The following TMEM131L variants were observed in gnomAD, a reference collection of about 807,000 sequenced individuals.
TMEM131L encodes the protein transmembrane 131 like.
Under a neutral mutation model 192.2 loss-of-function variants are expected in TMEM131L, and 54 were observed. That is an observed-to-expected ratio of 0.28 (90% CI 0.23 to 0.35). The LOEUF (loss-of-function observed/expected upper bound fraction) is 0.35, where lower values mean the gene tolerates loss of function less well. TMEM131L is among the 10% of genes least tolerant of loss of function. The pLI is 1.00. For missense variants in TMEM131L, 1,888 were observed against 1,972.9 expected, an observed-to-expected ratio of 0.96 and a Z score of 0.82; for synonymous variants, 701 against 704.9, an observed-to-expected ratio of 0.99 and a Z score of 0.09.
In TMEM131L at chr4:153,550,155, C is replaced by T. The variant is rs982989867; in HGVS notation, c.308+14C>T. 5.3e-6 allele frequency: 6 copies of T among 1,126,564 alleles called. No individual in the cohort carries two copies. The African/African-American group carries it at 9.6e-5, about 18-fold the overall frequency. The allele number at this position is 1,126,564 out of a possible 1,614,324, so 69.8% of individuals were successfully genotyped here. A position where few individuals can be genotyped will look rare whatever the true frequency, so the allele number is the denominator to read the frequency against. ...TTTTGGAATACAGTAAGTATCTTTT[C>T]TTTATAATTAAAACTCATTTTATTT... On this transcript the variant is annotated intron_variant, in intron 4 of 34. Transcript: ENST00000409959.
At chr4:153,520,554 C>T (rs1177608988) in intron 3 of TMEM131L, among the ~76,000 whole-genome samples, 1 of 152,164 alleles carries the variant, frequency 6.6e-6, no homozygotes, top group Non-Finnish European at 1.5e-5. Flanking sequence ...GACTAGTCCT[C>T]AATATTTTTC....
intron 4 of TMEM131L, 72 bp downstream of exon 4, chr4:153,550,213 T>C (rs991922763): frequency 3.3e-6 from 2 of 614,556 alleles, no homozygotes; most frequent in Non-Finnish European, 5.5e-6. Flanking sequence ...TTTTTACATA[T>C]ATGTACAATG....
In TMEM131L at chr4:153,555,706, A is replaced by G. The variant is rs1337882936; in HGVS notation, c.309-81A>G. 7 of 1,207,026 alleles carry G rather than the reference A, an allele frequency of 5.8e-6. No individual in the cohort carries two copies. Among genetic ancestry groups the G allele is most frequent in the East Asian group, 2.7e-5 (1 of 37,380 alleles). 74.8% of individuals were successfully genotyped at this position (1,207,026 alleles called of 1,614,324 possible). A position where few individuals can be genotyped will look rare whatever the true frequency, so the allele number is the denominator to read the frequency against. Reference sequence around the variant, plus strand: ...TCTGGGTTTAAAAATCTGTGTGTATATATATAATAATACATATATATGTAT... The same window carrying G: ...TCTGGGTTTAAAAATCTGTGTGTATGTATATAATAATACATATATATGTAT... On this transcript the variant is annotated intron_variant, in intron 4 of 34. Transcript: ENST00000409959. The surrounding 1 kb of genome is among the most constrained non-coding windows in gnomAD (Gnocchi z 4.1).
rs1424358862 is a variant in TMEM131L at position 153,474,579 on chromosome 4, G to T, written c.239+691G>T. Among the ~76,000 whole-genome samples the T allele has an allele frequency of 2.0e-5, 3 of 152,302 alleles. No homozygotes were observed. In the East Asian group the frequency reaches 5.8e-4, roughly 29 times the overall value. Reference sequence around the variant, plus strand: ...TTTGTTTTTAAGTGTGGTGTGAATTGTTAAAGAATTTTAACCAGGGGACTG... The same window carrying T: ...TTTGTTTTTAAGTGTGGTGTGAATTTTTAAAGAATTTTAACCAGGGGACTG... On this transcript the variant is annotated intron_variant, in intron 3 of 34. Transcript: ENST00000409959.
chr4:153,581,603 C>CTGCA, intron 9 of TMEM131L, 43 bp downstream of exon 9: 2 of 1,330,132 alleles, frequency 1.5e-6, no homozygotes, highest in South Asian at 1.6e-5. Context: ...TTTCATCAGT[C>CTGCA]TGCATCATCA....
chr4:153,580,250 CAG>C (rs981217975), intron 7 of TMEM131L, among the ~76,000 whole-genome samples: 25 of 152,326 alleles, frequency 1.6e-4, no homozygotes, highest in African/African-American at 5.1e-4. Context: ...TTAAATTTGA[CAG>C]AGTCTTGCAT....
At chr4:153,493,344 T>TAAA (rs1732927955) in intron 3 of TMEM131L, among the ~76,000 whole-genome samples, 1 of 45,540 alleles carries the variant, frequency 2.2e-5, no homozygotes, top group African/African-American at 9.9e-5. Flanking sequence ...AGACTCTGTC[T>TAAA]CAAAAAAAAA....
intron 3 of TMEM131L, among the ~76,000 whole-genome samples, chr4:153,536,262 G>GA (rs1476972539): frequency 2.2e-4 from 33 of 152,306 alleles, no homozygotes; most frequent in Middle Eastern, 3.4e-3. Flanking sequence ...GGGCTTGAGG[G>GA]ACCACGCAGG....
chr4:153,547,559 A>G (rs1247565699), intron 3 of TMEM131L, among the ~76,000 whole-genome samples: 3 of 152,170 alleles, frequency 2.0e-5, no homozygotes, highest in Non-Finnish European at 4.4e-5. Context: ...ATCTCATCCT[A>G]TTATTTCATT....
chr4:153,539,630 G>T (rs1466428053), intron 3 of TMEM131L, among the ~76,000 whole-genome samples: 4 of 151,564 alleles, frequency 2.6e-5, no homozygotes, highest in Non-Finnish European at 4.4e-5. Flanking sequence ...TATTGTGCTC[G>T]ACTGTAACAG....
chr4:153,581,739 T>C (rs901005237), intron 9 of TMEM131L, among the ~76,000 whole-genome samples, 179 bp downstream of exon 9: 1 of 152,200 alleles, frequency 6.6e-6, no homozygotes, highest in Non-Finnish European at 1.5e-5. Context: ...CTGTATTATT[T>C]TGGGGAGAAG....
At chr4:153,559,041 T>C (rs968010380) in intron 7 of TMEM131L, among the ~76,000 whole-genome samples, 2 of 152,236 alleles carry the variant, frequency 1.3e-5, no homozygotes, top group Non-Finnish European at 2.9e-5. Flanking sequence ...ACCTCTTCTT[T>C]CTGATTGGTA....
At chr4:153,577,981 A>G (rs1328091776) in intron 7 of TMEM131L, among the ~76,000 whole-genome samples, 2 of 152,136 alleles carry the variant, frequency 1.3e-5, no homozygotes, top group South Asian at 4.1e-4. Flanking sequence ...CCTGGGAGAG[A>G]GTGAAGAGGG....
At chr4:153,504,618 T>C (rs1260543144) in intron 3 of TMEM131L, among the ~76,000 whole-genome samples, 1 of 152,160 alleles carries the variant, frequency 6.6e-6, no homozygotes, top group Non-Finnish European at 1.5e-5. Context: ...AAGAGAAATA[T>C]TATTTTGCTG....
chr4:153,540,842 A>T (rs1244130469), intron 3 of TMEM131L, among the ~76,000 whole-genome samples: 1 of 152,222 alleles, frequency 6.6e-6, no homozygotes, highest in Non-Finnish European at 1.5e-5. Context: ...ACCCATGATC[A>T]AAGAGGAAAA....
chr4:153,592,600 T>C lies in TMEM131L; in HGVS notation c.1922+16T>C, dbSNP rs1435226694. 2 of 1,532,600 alleles carry C rather than the reference T, an allele frequency of 1.3e-6. No individual in the cohort carries two copies. 94.9% of individuals were successfully genotyped at this position (1,532,600 alleles called of 1,614,324 possible). On this transcript the variant is annotated intron_variant, in intron 18 of 34. Transcript: ENST00000409959. Reference sequence around the variant, plus strand: ...TCCACAGATGGTATGAAGACTTTTTTTCTGAGAGGCAGTTTGGGAAGTACT... The same window carrying C: ...TCCACAGATGGTATGAAGACTTTTTCTCTGAGAGGCAGTTTGGGAAGTACT...
At chr4:153,630,982 TC>T (rs1251500003) in intron 31 of TMEM131L, among the ~76,000 whole-genome samples, 1 of 152,204 alleles carries the variant, frequency 6.6e-6, no homozygotes, top group East Asian at 1.9e-4. Context: ...ATCTGTTGCT[TC>T]CCAAGTGGCA....
intron 17 of TMEM131L, 145 bp from the exon 18 acceptor site, chr4:153,592,330 G>A (rs918926836): frequency 3.2e-5 from 20 of 618,524 alleles, no homozygotes; most frequent in East Asian, 2.5e-4. Flanking sequence ...TTTTTGAAGC[G>A]TGCTGGCCAT....
At chr4:153,585,301 A>G (rs1166062837) in intron 12 of TMEM131L, among the ~76,000 whole-genome samples, 157 bp from the exon 13 acceptor site, 1 of 152,200 alleles carries the variant, frequency 6.6e-6, no homozygotes, top group Non-Finnish European at 1.5e-5. Context: ...TATGTGAGCC[A>G]GAAGGTTGAA....
Sources: allele counts gnomAD v4.1 joint callset (sites outside exome capture counted in the v4.1 genomes callset), GRCh38; gene constraint gnomAD v4.1.1; non-coding constraint Gnocchi (gnomAD v3.1); transcripts MANE v1.5; gene names NCBI Gene and HGNC (gene_info 2026-07-23, HGNC 2026-07-21).